The following PPA1 variants were observed in gnomAD, a reference collection of about 807,000 sequenced individuals.
The protein encoded by PPA1 is inorganic pyrophosphatase 1, also known as inorganic pyrophosphatase.
A neutral mutation model predicts 41.8 loss-of-function variants in PPA1; 23 were observed. The observed-to-expected ratio is 0.55, with a 90% CI of 0.40 to 0.78. PPA1 has a LOEUF of 0.78. PPA1 is among the 30% of genes least tolerant of loss of function. The pLI is 0.00. For synonymous variants in PPA1, 101 were observed against 116.8 expected (o/e 0.86, Z 0.87); for missense variants, 320 against 361.6 (o/e 0.89, Z 0.93).
In PPA1 at chr10:70,223,200, T is replaced by C. The variant is rs1018853628; in HGVS notation, c.124-4383A>G. Among the ~76,000 whole-genome samples, 3 of 138,276 alleles carry C rather than the reference T, an allele frequency of 2.2e-5. No homozygotes were observed. In the Admixed American group the frequency reaches 2.3e-4, roughly 11 times the overall value. 90.7% of individuals were successfully genotyped at this position (138,276 alleles called of 152,430 possible). A position where few individuals can be genotyped will look rare whatever the true frequency, so the allele number is the denominator to read the frequency against. ...ACCAACATAGCAAGACCCTGTCTCTTAAAAAACATTTTTTTAAAGAGAGAG... is the reference window on the plus strand; with the variant it reads ...ACCAACATAGCAAGACCCTGTCTCTCAAAAAACATTTTTTTAAAGAGAGAG... On this transcript the variant is annotated intron_variant, in intron 2 of 10. Transcript: ENST00000373232.
intron 1 of PPA1, 138 bp downstream of exon 1, chr10:70,233,126 G>A: frequency 1.0e-6 from 1 of 983,916 alleles, no homozygotes; most frequent in Non-Finnish European, 1.4e-6. Flanking sequence ...AGGCCGGCCA[G>A]GCCCCACAAC....
At position 70,205,113 on chromosome 10, in the gene PPA1, A is replaced by C. The variant is rs1839922623; in HGVS notation, c.796-198T>G. ...CAAATTCAAGCCTCTTGGACAGTGC[A>C]GTGGCTCATGCCCATAATCCCAACA... On this transcript the variant is annotated intron_variant, in intron 9 of 10. Transcript: ENST00000373232. The C allele has an allele frequency of 9.4e-6, 4 of 426,962 alleles. No individual in the cohort carries two copies. The East Asian group carries it at 1.6e-4, about 17-fold the overall frequency. 26.4% of individuals were successfully genotyped at this position (426,962 alleles called of 1,614,324 possible).
At chr10:70,214,817 T>C (rs1840060986) in intron 4 of PPA1, among the ~76,000 whole-genome samples, 1 of 151,002 alleles carries the variant, frequency 6.6e-6, no homozygotes, top group South Asian at 2.1e-4. Flanking sequence ...ATAATGATCC[T>C]ATTTAAAACA....
rs562174103 is a variant in PPA1 at position 70,231,510 on chromosome 10, T to C, written c.65-1111A>G. Among the ~76,000 whole-genome samples, 163 of 152,332 alleles carry C rather than the reference T, an allele frequency of 1.1e-3. 3 individuals carry two copies. Among genetic ancestry groups the C allele is most frequent in the South Asian group, 2.3e-3 (11 of 4,820 alleles). Reference sequence around the variant, plus strand: ...TGAACCCGGGAGGCTGAAGTTGCAATGAGCCAAGATCATGCCACTGCACTC... The same window carrying C: ...TGAACCCGGGAGGCTGAAGTTGCAACGAGCCAAGATCATGCCACTGCACTC... On this transcript the variant is annotated intron_variant, in intron 1 of 10. Coordinates refer to ENST00000373232, the MANE Select transcript of PPA1 (RefSeq NM_021129.4).
Position 70,209,899 on chromosome 10 carries a change from T to C in PPA1, c.512-214A>G, listed in dbSNP as rs1839997585. 35 of 531,350 alleles carry C rather than the reference T, an allele frequency of 6.6e-5. 1 individual carries two copies. In the South Asian group the frequency reaches 7.3e-4, roughly 11 times the overall value. 32.9% of individuals were successfully genotyped at this position (531,350 alleles called of 1,614,324 possible). The stretch of plus-strand genomic sequence containing the variant: ...AGAAGAGAAGCCATACACATATACA[T>C]TGAAAGAAAATCATCTAGTATCTCT... On this transcript the variant is annotated intron_variant, in intron 6 of 10. Coordinates refer to ENST00000373232, the MANE Select transcript of PPA1 (RefSeq NM_021129.4).
chr10:70,232,040 G>A (rs1279969995), intron 1 of PPA1, among the ~76,000 whole-genome samples: 2 of 152,220 alleles, frequency 1.3e-5, no homozygotes, highest in African/African-American at 4.8e-5. Flanking sequence ...TTACTGGACT[G>A]TCCTTGCTGC....
intron 8 of PPA1, among the ~76,000 whole-genome samples, chr10:70,207,642 A>G (rs1233238872): frequency 6.6e-6 from 1 of 152,174 alleles, no homozygotes. Flanking sequence ...CCTGGGCGAG[A>G]GACCCTGTCT....
At chr10:70,209,173 G>T in intron 8 of PPA1, 32 bp downstream of exon 8, 1 of 1,453,308 alleles carries the variant, frequency 6.9e-7, no homozygotes, top group Non-Finnish European at 9.6e-7. Flanking sequence ...GGTCTGCTTT[G>T]TGTGTTAAAC....
chr10:70,207,284 T>C (rs1302355831), intron 8 of PPA1, among the ~76,000 whole-genome samples: 2 of 152,150 alleles, frequency 1.3e-5, no homozygotes, highest in Admixed American at 1.3e-4. Flanking sequence ...TGATTAAAAA[T>C]AGTTTATCCT....
chr10:70,233,192 C>A, intron 1 of PPA1, 72 bp downstream of exon 1: 1 of 1,485,782 alleles, frequency 6.7e-7, no homozygotes, highest in Non-Finnish European at 9.0e-7. Flanking sequence ...GGGCCGCACC[C>A]TCCCGGGGAG....
In PPA1 at chr10:70,233,308, T is replaced by C; in HGVS notation, c.20A>G (p.Glu7Gly). MSGFST[E>G]ERAAPFSLEY... is the part of the protein sequence containing the mutation. ...CAGGGAGAAGGGCGCGGCGCGCTCCTCGGTGCTGAAGCCGCTCATAGTGCC... is the reference window on the plus strand; with the variant it reads ...CAGGGAGAAGGGCGCGGCGCGCTCCCCGGTGCTGAAGCCGCTCATAGTGCC... The change falls in exon 1 of 11, where the codon GAG becomes GGG. Residue 7 changes from glutamate (E) to glycine (G), a missense_variant. Coordinates refer to ENST00000373232, the MANE Select transcript of PPA1 (RefSeq NM_021129.4). The C allele has an allele frequency of 6.5e-7, 1 of 1,541,384 alleles. No individual in the cohort carries two copies. Among genetic ancestry groups the C allele is most frequent in the Non-Finnish European group, 8.7e-7 (1 of 1,144,252 alleles).
chr10:70,207,705 G>A (rs1003633782), intron 8 of PPA1, among the ~76,000 whole-genome samples: 5 of 152,160 alleles, frequency 3.3e-5, no homozygotes, highest in Admixed American at 6.5e-5. Flanking sequence ...ATTACATAGT[G>A]TTAAATTTTA....
chr10:70,216,444 G>A (rs1290082840), intron 4 of PPA1, among the ~76,000 whole-genome samples: 4 of 150,260 alleles, frequency 2.7e-5, no homozygotes, highest in Non-Finnish European at 4.4e-5. Flanking sequence ...CCAAGACTGC[G>A]CCACCGCACT....
At chr10:70,211,532 C>T (rs941044451) in intron 6 of PPA1, among the ~76,000 whole-genome samples, 1 of 152,120 alleles carries the variant, frequency 6.6e-6, no homozygotes, top group African/African-American at 2.4e-5. Flanking sequence ...GTTTAAATTT[C>T]GTTATATAAA....
At chr10:70,216,478 C>T (rs1174593593) in intron 4 of PPA1, among the ~76,000 whole-genome samples, 2 of 118,366 alleles carry the variant, frequency 1.7e-5, no homozygotes, top group East Asian at 5.4e-4. Flanking sequence ...CAGTGCAAGA[C>T]TCCGTCTCAA....
At chr10:70,218,734 G>A in intron 3 of PPA1, 30 bp downstream of exon 3, 1 of 1,559,500 alleles carries the variant, frequency 6.4e-7, no homozygotes, top group Non-Finnish European at 8.8e-7. Context: ...AATATCCTAA[G>A]TCTGACTCAA....
intron 6 of PPA1, among the ~76,000 whole-genome samples, chr10:70,211,066 T>G (rs1840013803): frequency 6.6e-6 from 1 of 152,196 alleles, no homozygotes; most frequent in Admixed American, 6.5e-5. Flanking sequence ...CCCGGCCGCT[T>G]CAATCCAATT....
chr10:70,218,659 C>CA, intron 3 of PPA1, 105 bp downstream of exon 3: 1 of 882,764 alleles, frequency 1.1e-6, no homozygotes, highest in African/African-American at 1.7e-5. Context: ...TGGGACCAGA[C>CA]AGAGAAAAAC....
intron 6 of PPA1, among the ~76,000 whole-genome samples, chr10:70,211,195 T>C (rs1840015700): frequency 6.6e-6 from 1 of 152,192 alleles, no homozygotes; most frequent in Non-Finnish European, 1.5e-5. Flanking sequence ...GAACTTATAA[T>C]TTACATGAAA....
Sources: allele counts gnomAD v4.1 joint callset (sites outside exome capture counted in the v4.1 genomes callset), GRCh38; gene constraint gnomAD v4.1.1; transcripts MANE v1.5; gene names NCBI Gene and HGNC (gene_info 2026-07-23, HGNC 2026-07-21).